MARCHF6: variants seen among roughly 807,000 people sequenced by gnomAD.
MARCHF6 encodes membrane associated ring-CH-type finger 6, also known as E3 ubiquitin-protein ligase MARCHF6.
In MARCHF6, 31 loss-of-function variants were observed where a neutral mutation model predicts 133.7. The observed-to-expected ratio is 0.23, with a 90% CI of 0.17 to 0.31. The LOEUF is 0.31. Among genes scored for constraint, MARCHF6 ranks in the 10% least tolerant of loss-of-function variants. The probability of loss-of-function intolerance (pLI) is 1.00; values close to 1 mark genes in which losing one functional copy is unlikely to be tolerated. For synonymous variants in MARCHF6, 395 were observed against 402.5 expected, an observed-to-expected ratio of 0.98 and a Z score of 0.22; for missense variants, 723 against 1,121.6, an observed-to-expected ratio of 0.64 and a Z score of 5.08.
chr5:10,419,724 T>C (rs183418304), intron 22 of MARCHF6, among the ~76,000 whole-genome samples: 1 of 152,184 alleles, frequency 6.6e-6, no homozygotes, highest in Admixed American at 6.5e-5. Flanking sequence ...ATAGCAAGGA[T>C]TGTTAATGGA....
chr5:10,429,858 C>T (rs761039113), intron 24 of MARCHF6, 35 bp from the exon 25 acceptor site: 1 of 1,585,150 alleles, frequency 6.3e-7, no homozygotes, highest in South Asian at 1.1e-5. Context: ...TGTTATTTCA[C>T]ATACACTGAA....
chr5:10,388,425 G>C (rs1737618369), intron 5 of MARCHF6, among the ~76,000 whole-genome samples: 1 of 152,130 alleles, frequency 6.6e-6, no homozygotes, highest in African/African-American at 2.4e-5. Context: ...CTGTAGCTCA[G>C]TAATTGAGGT....
rs1456034168 is a variant in MARCHF6, at chr5:10,440,226, A to G, written c.*6542A>G. On this transcript the variant is annotated 3_prime_UTR_variant, in exon 26 of 26. Coordinates refer to ENST00000274140, the MANE Select transcript of MARCHF6 (RefSeq NM_005885.4). ...CTCAATAGTAATGCTAAGTTAGTAA[A>G]TAAATGATGAATTTAGAATCAAAAT... 6.6e-6 allele frequency: 1 copy of G among 152,214 alleles called. No homozygotes were observed. Among genetic ancestry groups the G allele is most frequent in the Non-Finnish European group, 1.5e-5 (1 of 68,046 alleles). The allele number at this position is 152,214 out of a possible 1,614,324, so 9.4% of individuals were successfully genotyped here. A position where few individuals can be genotyped will look rare whatever the true frequency, so the allele number is the denominator to read the frequency against.
At chr5:10,413,656 G>A (rs1309056674) in intron 19 of MARCHF6, among the ~76,000 whole-genome samples, 11 of 152,222 alleles carry the variant, frequency 7.2e-5, no homozygotes, top group African/African-American at 2.7e-4. Context: ...CACAATCATG[G>A]TGGAAGGTGA....
chr5:10,395,574 T>C (rs906181663), intron 9 of MARCHF6, among the ~76,000 whole-genome samples: 1 of 152,210 alleles, frequency 6.6e-6, no homozygotes, highest in Non-Finnish European at 1.5e-5. Flanking sequence ...TGGTGCTGTT[T>C]TCAGGTCCTG....
intron 10 of MARCHF6, 34 bp from the exon 11 acceptor site, chr5:10,400,750 C>A: frequency 6.7e-7 from 1 of 1,493,944 alleles, no homozygotes; most frequent in Non-Finnish European, 9.3e-7. Flanking sequence ...GTTTTGATGT[C>A]GGAGTTTTCA....
rs1326170258 is a variant in MARCHF6, at chr5:10,434,795, T to G, written c.*1111T>G. ...AGGAAATCCCAAAGTTTCCAAAGCT[T>G]TTTGTTTACAGAATAAAACTTCAAA... On this transcript the variant is annotated 3_prime_UTR_variant, in exon 26 of 26. Coordinates refer to ENST00000274140, the MANE Select transcript of MARCHF6 (RefSeq NM_005885.4). 2.0e-5 allele frequency: 3 copies of G among 152,606 alleles called. No individual in the cohort carries two copies. The highest frequency in any genetic ancestry group is 7.2e-5 in the African/African-American group (3 of 41,440). 9.5% of individuals were successfully genotyped at this position (152,606 alleles called of 1,614,324 possible).
chr5:10,378,270 G>T (rs149561266), intron 2 of MARCHF6, among the ~76,000 whole-genome samples: 1 of 152,144 alleles, frequency 6.6e-6, no homozygotes, highest in Non-Finnish European at 1.5e-5. Flanking sequence ...GTTCTTAGTG[G>T]TTTGTACATC....
intron 14 of MARCHF6, 71 bp from the exon 15 acceptor site, chr5:10,403,336 A>G (rs193163985): frequency 2.7e-6 from 4 of 1,457,768 alleles, no homozygotes; most frequent in East Asian, 2.3e-5. Context: ...TTTATTTCCT[A>G]GAAGATGAAA....
chr5:10,378,829 C>A lies in MARCHF6; in HGVS notation c.187C>A (p.Pro63Thr). Residue 63 changes from proline (P) to threonine (T), a missense_variant, in exon 3 of 26, where the codon CCA (proline) becomes ACA (threonine). Pro to Thr is a conservative substitution (Grantham distance 38). Coordinates refer to ENST00000274140, the MANE Select transcript of MARCHF6 (RefSeq NM_005885.4). ...ELCKHRFAFTPIYSPDMPSRL... is the reference protein window; with the variant it reads ...ELCKHRFAFTTIYSPDMPSRL... ...ATGCAAGCACAGATTTGCTTTTACA[C>A]CAAGTAAGTTCTTTAGACATTTTCA... 1 of 1,604,668 alleles carries A rather than the reference C, an allele frequency of 6.2e-7. No individual in the cohort carries two copies. The highest frequency in any genetic ancestry group is 1.7e-4 in the Middle Eastern group (1 of 6,046).
chr5:10,407,265 A>T (rs1579594368), intron 17 of MARCHF6, 63 bp downstream of exon 17: 1 of 810,870 alleles, frequency 1.2e-6, no homozygotes. Flanking sequence ...TGATGTTCAG[A>T]TTACATTAAA....
chr5:10,393,370 C>T (rs1285396193), intron 7 of MARCHF6, among the ~76,000 whole-genome samples: 1 of 152,118 alleles, frequency 6.6e-6, no homozygotes, highest in Non-Finnish European at 1.5e-5. Flanking sequence ...CCATTGTGCC[C>T]AGCCTAGACC....
chr5:10,391,903 T>C (rs1182222396), intron 7 of MARCHF6, among the ~76,000 whole-genome samples, 172 bp downstream of exon 7: 1 of 152,194 alleles, frequency 6.6e-6, no homozygotes, highest in Admixed American at 6.5e-5. Context: ...TGCATAAATA[T>C]GTTTTTTTCT....
chr5:10,401,316 C>T (rs1000897778), intron 11 of MARCHF6: 1 of 155,598 alleles, frequency 6.4e-6, no homozygotes, highest in African/African-American at 2.4e-5. Flanking sequence ...AGGATTATTA[C>T]TTCTCTGTTG....
chr5:10,400,302 A>G (rs1319455317), intron 10 of MARCHF6, among the ~76,000 whole-genome samples: 1 of 152,232 alleles, frequency 6.6e-6, no homozygotes, highest in African/African-American at 2.4e-5. Context: ...GGCAAGTAGG[A>G]CAGATGCTCA....
At chr5:10,360,628 T>C (rs1735766977) in intron 1 of MARCHF6, among the ~76,000 whole-genome samples, 1 of 152,222 alleles carries the variant, frequency 6.6e-6, no homozygotes, top group Admixed American at 6.5e-5. Flanking sequence ...TGAGTCTATC[T>C]CTTTCCTGGT....
At chr5:10,397,376 G>C (rs570944705) in intron 10 of MARCHF6, 32 bp downstream of exon 10, 4 of 1,474,130 alleles carry the variant, frequency 2.7e-6, no homozygotes, top group African/African-American at 2.9e-5. Flanking sequence ...TTTTTTTATA[G>C]TATTATGGTA....
rs568141689 is a variant in MARCHF6, at chr5:10,438,264, A to G, written c.*4580A>G. On this transcript the variant is annotated 3_prime_UTR_variant, in exon 26 of 26. Transcript: ENST00000274140. ...CAGATAAAAAGGAAAGACTTGCGTG[A>G]TGTTTTTTTCCTTCTGAGTGCCCTG... 1 of 152,188 alleles carries G rather than the reference A, an allele frequency of 6.6e-6. No individual in the cohort carries two copies. Among genetic ancestry groups the G allele is most frequent in the African/African-American group, 2.4e-5 (1 of 41,452 alleles). The allele number at this position is 152,188 out of a possible 1,614,324, so 9.4% of individuals were successfully genotyped here.
In MARCHF6 at chr5:10,402,403, A is replaced by G; in HGVS notation, c.1073A>G (p.Lys358Arg). 1 of 1,613,998 alleles carries G rather than the reference A, an allele frequency of 6.2e-7. No homozygotes were observed. The highest frequency in any genetic ancestry group is 2.2e-5 in the East Asian group (1 of 44,856). ...IICHGLATLV[K>R]FHRSRRLLGV... ...CTGTAGGGCTTGGCAACTCTTGTGA[A>G]ATTTCATAGATCTCGTCGCTTACTG... Residue 358 changes from lysine to arginine, a missense_variant, in exon 13 of 26, where the codon AAA becomes AGA. Physicochemically the swap from Lys to Arg is conservative, Grantham distance 26. Around this residue, in one of 4 missense-constraint regions of MARCHF6, gnomAD observed 492 missense variants for 699.5 expected, o/e 0.70. Coordinates refer to ENST00000274140, the MANE Select transcript of MARCHF6 (RefSeq NM_005885.4).
Sources: gnomAD v4.1 joint callset for allele counts (sites outside exome capture counted in the v4.1 genomes callset) on GRCh38, gnomAD v4.1.1 for gene constraint, gnomAD v4.1.1 regional missense constraint, MANE v1.5 for transcripts, NCBI Gene and HGNC (gene_info 2026-07-23, HGNC 2026-07-21) for gene names.